Variants in STIL observed in about 807,000 individuals in gnomAD.
STIL encodes SCL-interrupting locus protein.
Under a neutral mutation model 110.1 loss-of-function variants are expected in STIL, and 55 were observed. The ratio of observed to expected loss-of-function variants is 0.50; its 90% confidence interval spans 0.40 to 0.63. The LOEUF (loss-of-function observed/expected upper bound fraction) is 0.63. STIL is among the 20% of genes least tolerant of loss of function. STIL has a pLI of 0.00. For synonymous variants in STIL, 481 were observed against 530.0 expected (o/e 0.91, Z 1.27); for missense variants, 1,358 against 1,530.0 (o/e 0.89, Z 1.87).
chr1:47,301,520 T>A, intron 5 of STIL, 41 bp downstream of exon 5: 1 of 1,537,524 alleles, frequency 6.5e-7, no homozygotes, highest in Non-Finnish European at 9.0e-7. Flanking sequence ...ATAGTTTGAT[T>A]CTTGTGTTGA....
At chr1:47,311,283 C>CT (rs536667689) in intron 1 of STIL, among the ~76,000 whole-genome samples, 2,248 of 132,142 alleles carry the variant, frequency 0.017, 64 homozygotes, top group African/African-American at 0.05. Context: ...TTCTTTTTTT[C>CT]TTTTTTTTTT....
At chr1:47,278,385 A>G (rs1645050717) in intron 12 of STIL, among the ~76,000 whole-genome samples, 1 of 152,124 alleles carries the variant, frequency 6.6e-6, no homozygotes, top group African/African-American at 2.4e-5. Flanking sequence ...TATAAGGAAA[A>G]TACTATATGT....
Position 47,300,096 on chromosome 1 carries a change from G to A in STIL, c.510C>T (p.Ser170=). The part of the protein sequence containing the change: ...KDSLDCGKLL[S]LRVHITSRES... ...CCCTGGAAGTGATATGAACTCTTAG[G>A]GAAAGCAGCTTACCACAGTCCAAGG... The change falls in exon 6 of 17, where the codon TCC becomes TCT. Residue 170 remains serine (S), a synonymous_variant. Coordinates refer to ENST00000371877, the MANE Select transcript of STIL (RefSeq NM_001048166.1). 3 of 1,614,054 alleles carry A rather than the reference G, an allele frequency of 1.9e-6. No individual in the cohort carries two copies. The highest frequency in any genetic ancestry group is 2.5e-6 in the Non-Finnish European group (3 of 1,179,986).
At position 47,305,691 on chromosome 1, in the gene STIL, G is replaced by A. The variant is rs962983633; in HGVS notation, c.45-695C>T. Among the ~76,000 whole-genome samples the A allele has an allele frequency of 2.7e-5, 4 of 145,674 alleles. No homozygotes were observed. In the Admixed American group the frequency reaches 2.8e-4, roughly 10 times the overall value. On this transcript the variant is annotated intron_variant, in intron 2 of 16. Transcript: ENST00000371877. ...TCAGCCTGCCTCAGCCTCCCAAAGT[G>A]CTGGGATTACAGGCGTGAGCCACCA... is the stretch of plus-strand genomic sequence containing the variant.
intron 12 of STIL, among the ~76,000 whole-genome samples, chr1:47,272,545 C>T (rs560794643): frequency 6.6e-6 from 1 of 151,798 alleles, no homozygotes; most frequent in South Asian, 2.1e-4. Context: ...ACCTCCTGGG[C>T]TCAATCGATC....
chr1:47,259,277 C>G (rs1644414085), intron 16 of STIL, among the ~76,000 whole-genome samples: 1 of 134,908 alleles, frequency 7.4e-6, no homozygotes, highest in Non-Finnish European at 1.6e-5. Flanking sequence ...TGAGGTACCG[C>G]GCCCGGCCTT....
chr1:47,292,588 G>T (rs1458665277), intron 8 of STIL, among the ~76,000 whole-genome samples: 3 of 152,036 alleles, frequency 2.0e-5, no homozygotes, highest in Non-Finnish European at 2.9e-5. Context: ...TGATCTCCAA[G>T]GTATAATTTA....
At chr1:47,295,552 T>A (rs1266423666) in intron 7 of STIL, among the ~76,000 whole-genome samples, 2 of 152,048 alleles carry the variant, frequency 1.3e-5, no homozygotes, top group African/African-American at 2.4e-5. Flanking sequence ...TGCACTCCAG[T>A]CTGGGCACAG....
At chr1:47,269,155 G>A (rs1489431736) in intron 14 of STIL, among the ~76,000 whole-genome samples, 1 of 151,928 alleles carries the variant, frequency 6.6e-6, no homozygotes, top group Non-Finnish European at 1.5e-5. Context: ...CCTCTAGGGT[G>A]AGGCCTGAGC....
intron 11 of STIL, 72 bp downstream of exon 11, chr1:47,282,273 T>C: frequency 1.1e-6 from 1 of 900,182 alleles, no homozygotes; most frequent in South Asian, 1.3e-5. Context: ...GGTAGTATTA[T>C]TTAGTGTTTT....
At chr1:47,292,439 G>T (rs1025764161) in intron 8 of STIL, among the ~76,000 whole-genome samples, 1 of 152,104 alleles carries the variant, frequency 6.6e-6, no homozygotes, top group Non-Finnish European at 1.5e-5. Context: ...ACTAGCATAT[G>T]CACACAAAGA....
At chr1:47,284,182 GC>G (rs1645228529) in intron 10 of STIL, 1 of 152,212 alleles carries the variant, frequency 6.6e-6, no homozygotes, top group Admixed American at 6.5e-5. Context: ...ACAAGTGTGA[GC>G]CACTGTGCCT....
chr1:47,275,876 C>T (rs1644976443), intron 12 of STIL, among the ~76,000 whole-genome samples: 1 of 152,156 alleles, frequency 6.6e-6, no homozygotes, highest in African/African-American at 2.4e-5. Context: ...ATCCAACCAC[C>T]TTGGCCTCCC....
At chr1:47,261,907 CAAA>C (rs200699660) in intron 15 of STIL, among the ~76,000 whole-genome samples, 1 of 82,054 alleles carries the variant, frequency 1.2e-5, no homozygotes. Context: ...GACTCTGTCT[CAAA>C]AAAAAAAAAA....
chr1:47,287,155 G>A (rs1436903901), intron 10 of STIL, among the ~76,000 whole-genome samples: 5 of 152,176 alleles, frequency 3.3e-5, no homozygotes, highest in African/African-American at 1.2e-4. Flanking sequence ...TTGAGGCTAG[G>A]AGCTCGAGAC....
In STIL at chr1:47,280,939, G is replaced by A. The variant is rs749572755; in HGVS notation, c.1519C>T (p.Gln507Ter). 1 of 1,614,088 alleles carries A rather than the reference G, an allele frequency of 6.2e-7. No individual in the cohort carries two copies. Among genetic ancestry groups the A allele is most frequent in the Non-Finnish European group, 8.5e-7 (1 of 1,180,004 alleles). ...TTCCCTTTCTTATAGGCAGGTGGCT[G>A]TCTTACTTTGCAGTGTCTCAAAAGA... ...PALLRHCKVR[Q>*]PPAYKKGNPH... Residue 507 changes from glutamine to a stop codon, truncating the protein, a stop_gained, in exon 12 of 17, where the codon CAG becomes TAG. Transcript: ENST00000371877. LOFTEE classifies it high-confidence loss of function.
At chr1:47,296,237 C>CT (rs1645638694) in intron 6 of STIL, among the ~76,000 whole-genome samples, 1 of 152,038 alleles carries the variant, frequency 6.6e-6, no homozygotes. Flanking sequence ...TTCATGCATC[C>CT]AAGTGATTTG....
At chr1:47,309,473 G>A (rs979924147) in intron 2 of STIL, among the ~76,000 whole-genome samples, 3 of 151,872 alleles carry the variant, frequency 2.0e-5, no homozygotes, top group Non-Finnish European at 4.4e-5. Flanking sequence ...TAGAACACAA[G>A]GGCCAAAATT....
chr1:47,263,179 A>C, intron 14 of STIL, 63 bp from the exon 15 acceptor site: 1 of 1,474,568 alleles, frequency 6.8e-7, no homozygotes, highest in Non-Finnish European at 9.4e-7. Flanking sequence ...GAAATGTAGT[A>C]ACTTTAGAAA....
Sources: gnomAD v4.1 joint callset for allele counts (sites outside exome capture counted in the v4.1 genomes callset) on GRCh38, gnomAD v4.1.1 for gene constraint, MANE v1.5 for transcripts, NCBI Gene and HGNC (gene_info 2026-07-23, HGNC 2026-07-21) for gene names.